RNF19B: variants seen among roughly 807,000 people sequenced by gnomAD.
RNF19B encodes E3 ubiquitin-protein ligase RNF19B.
Under a neutral mutation model 65.5 loss-of-function variants are expected in RNF19B, and 23 were observed. The ratio of observed to expected loss-of-function variants is 0.35; its 90% CI spans 0.25 to 0.50. RNF19B has a LOEUF of 0.50. RNF19B is among the 20% of genes least tolerant of loss of function. RNF19B has a pLI of 0.98. For synonymous variants in RNF19B, 372 were observed against 379.6 expected (o/e 0.98, Z 0.23); for missense variants, 794 against 980.0 (o/e 0.81, Z 2.53).
the RNF19B span, among the ~76,000 whole-genome samples, chr1:32,931,280 C>T: frequency 1.3e-4 from 20 of 152,264 alleles, 1 homozygote; most frequent in South Asian, 3.9e-3. Flanking sequence ...TCTTACAATT[C>T]TTCTGTAAGT....
chr1:32,955,602 GGTGCATGCCTGTA>G (rs1195761698), intron 1 of RNF19B, among the ~76,000 whole-genome samples: 4 of 151,808 alleles, frequency 2.6e-5, no homozygotes, highest in Non-Finnish European at 2.9e-5. Flanking sequence ...TAGGCGTGGT[GGTGCATGCCTGTA>G]GTGCATGCCT....
chr1:32,960,593 G>A (rs1557583109), intron 1 of RNF19B, among the ~76,000 whole-genome samples: 1 of 152,144 alleles, frequency 6.6e-6, no homozygotes, highest in African/African-American at 2.4e-5. Context: ...CCATGATCAT[G>A]CCACTGCACT....
At chr1:32,934,028 G>A (rs889336048), downstream of RNF19B, among the ~76,000 whole-genome samples, 2 of 152,162 alleles carry the variant, frequency 1.3e-5, no homozygotes, top group Non-Finnish European at 2.9e-5. Context: ...GATAATTTGC[G>A]TTTCAGAGAT....
intron 1 of RNF19B, among the ~76,000 whole-genome samples, chr1:32,951,040 T>C (rs748156725): frequency 3.3e-5 from 5 of 152,114 alleles, no homozygotes; most frequent in Admixed American, 6.5e-5. Context: ...GGTTTCACCA[T>C]GTTGGCCAGG....
intron 1 of RNF19B, among the ~76,000 whole-genome samples, chr1:32,959,910 G>A (rs926610289): frequency 1.3e-5 from 2 of 151,316 alleles, no homozygotes. Context: ...AATTAACCAG[G>A]CGTGGTGGTG....
At position 32,945,539 on chromosome 1, in the gene RNF19B, G is replaced by C; in HGVS notation, c.1236C>G (p.Ser412=). Residue 412 remains serine (S), a synonymous_variant, in exon 5 of 9, where the codon TCC becomes TCG. Transcript: ENST00000235150. The part of the protein sequence containing the change: ...TGGVTLSVIA[S]PVIAAVSVGI... ...CAACACTAACTGCAGCAATAACTGGGGATGCAATGACCGACAAAGTCACTC... is the reference window on the plus strand; with the variant it reads ...CAACACTAACTGCAGCAATAACTGGCGATGCAATGACCGACAAAGTCACTC... 6.2e-7 allele frequency: 1 copy of C among 1,612,530 alleles called. No individual in the cohort carries two copies. Among genetic ancestry groups the C allele is most frequent in the Non-Finnish European group, 8.5e-7 (1 of 1,178,666 alleles).
At chr1:32,936,419 G>C (rs1183869554), downstream of RNF19B, 2 of 159,550 alleles carry the variant, frequency 1.3e-5, no homozygotes, top group Non-Finnish European at 2.7e-5. Flanking sequence ...GGCTCTGTGG[G>C]ACTATCCAAG....
chr1:32,930,411 A>AT, the RNF19B span, among the ~76,000 whole-genome samples: 2,487 of 125,928 alleles, frequency 0.02, 77 homozygotes, highest in East Asian at 0.16. Flanking sequence ...TGCCCGGCTG[A>AT]TTTTTTTTTT....
At chr1:32,946,285 C>A in intron 4 of RNF19B, 117 bp downstream of exon 4, 1 of 783,938 alleles carries the variant, frequency 1.3e-6, no homozygotes, top group Non-Finnish European at 2.0e-6. Flanking sequence ...TTATTTTTAT[C>A]TAAGAACCAG....
At chr1:32,937,601 C>G (rs961923235) in intron 8 of RNF19B, among the ~76,000 whole-genome samples, 3 of 151,888 alleles carry the variant, frequency 2.0e-5, no homozygotes, top group African/African-American at 4.8e-5. Flanking sequence ...CCCAGCTACT[C>G]GGGAGGCTGA....
In RNF19B at chr1:32,964,560, CG is replaced by C; in HGVS notation, c.125del (p.Ser42TrpfsTer113). 7.4e-7 allele frequency: 1 copy of C among 1,342,502 alleles called. No individual in the cohort carries two copies. Among genetic ancestry groups the C allele is most frequent in the Non-Finnish European group, 9.6e-7 (1 of 1,040,640 alleles). 83.2% of individuals were successfully genotyped at this position (1,342,502 alleles called of 1,614,324 possible). The part of the protein sequence containing the change: ...RLTLHSVFSA[S>X]ARGRRARAKP... ...TGGCCCGGGCGCGGCGGCCGCGGGC[CG>C]AGGCAGAGAAGACGCTGTGCAAGGT... On this transcript the variant is annotated frameshift_variant, in exon 1 of 9. Coordinates refer to ENST00000235150, the MANE Select transcript of RNF19B (RefSeq NM_001300826.2). LOFTEE classifies it high-confidence loss of function. This position sits in a 1 kb window ranked among gnomAD's most constrained non-coding sequence, Gnocchi z 6.5.
intron 7 of RNF19B, 22 bp downstream of exon 7, chr1:32,942,230 C>A: frequency 1.3e-6 from 2 of 1,578,312 alleles, no homozygotes; most frequent in South Asian, 2.2e-5. Context: ...CCATTTCTGT[C>A]AGAAATTATC....
rs191684121 is a variant in RNF19B, at chr1:32,948,193, G to A, written c.983+29C>T. 83 of 1,609,636 alleles carry A rather than the reference G, an allele frequency of 5.2e-5. No homozygotes were observed. The African/African-American group carries it at 6.5e-4, about 13-fold the overall frequency. On this transcript the variant is annotated intron_variant, in intron 3 of 8. Coordinates refer to ENST00000235150, the MANE Select transcript of RNF19B (RefSeq NM_001300826.2). ...TAAATCAGTAAGAGAATGAGACTAC[G>A]AAAGGAATGGATGCATTTCCCATCT...
At chr1:32,957,825 C>T (rs1215023438) in intron 1 of RNF19B, among the ~76,000 whole-genome samples, 1 of 152,184 alleles carries the variant, frequency 6.6e-6, no homozygotes, top group African/African-American at 2.4e-5. Context: ...CAAAGCGAGA[C>T]TCCATCTCAA....
At chr1:32,962,125 T>C (rs1221314900) in intron 1 of RNF19B, among the ~76,000 whole-genome samples, 2 of 152,130 alleles carry the variant, frequency 1.3e-5, no homozygotes, top group Admixed American at 1.3e-4. Flanking sequence ...TGCACCACCA[T>C]GCCCGGCTAA....
chr1:32,963,305 C>T (rs1642815448), intron 1 of RNF19B, among the ~76,000 whole-genome samples: 1 of 152,190 alleles, frequency 6.6e-6, no homozygotes, highest in Non-Finnish European at 1.5e-5. Flanking sequence ...ACGCCTTCTT[C>T]TGCAATGCTA....
rs75294438 is a variant in RNF19B, at chr1:32,956,978, G to C, written c.635+7073C>G. ...TGCCCTATTTAAGACCCATCTCTAGGCTAGACAACTCCAAGAGCCTCCTTA... is the reference window on the plus strand; with the variant it reads ...TGCCCTATTTAAGACCCATCTCTAGCCTAGACAACTCCAAGAGCCTCCTTA... On this transcript the variant is annotated intron_variant, in intron 1 of 8. Transcript: ENST00000235150. 3.3e-3 allele frequency among the ~76,000 whole-genome samples: 496 copies of C among 152,008 alleles called. 12 individuals are homozygous for C. In the East Asian group the frequency reaches 0.078, roughly 24 times the overall value.
chr1:32,955,391 C>A (rs747909326), intron 1 of RNF19B, among the ~76,000 whole-genome samples: 3 of 151,930 alleles, frequency 2.0e-5, no homozygotes, highest in Admixed American at 6.6e-5. Context: ...TAGTGGTAAA[C>A]CCCTAAGTTC....
chr1:32,949,497 A>C, intron 2 of RNF19B, 72 bp downstream of exon 2: 3 of 1,328,408 alleles, frequency 2.3e-6, no homozygotes, highest in Non-Finnish European at 2.1e-6. Flanking sequence ...ACAATAAGAT[A>C]ATTTCTTTCA....
Sources: allele counts gnomAD v4.1 joint callset (sites outside exome capture counted in the v4.1 genomes callset), GRCh38; gene constraint gnomAD v4.1.1; non-coding constraint Gnocchi (gnomAD v3.1); transcripts MANE v1.5; gene names NCBI Gene and HGNC (gene_info 2026-07-23, HGNC 2026-07-21).